Variants in PUDP observed in about 807,000 individuals in gnomAD.
The protein encoded by PUDP is pseudouridine-5'-phosphatase.
Under a neutral mutation model 9.4 loss-of-function variants are expected in PUDP, and 8 were observed. The observed-to-expected ratio is 0.85, with a 90% CI of 0.50 to 1.53. The LOEUF is 1.53. Among genes scored for constraint, PUDP ranks in the 40% most tolerant of loss-of-function variants. PUDP has a pLI of 0.00. For missense variants in PUDP, 188 were observed against 189.7 expected, an observed-to-expected ratio of 0.99 and a Z score of 0.05; for synonymous variants, 99 against 80.7, an observed-to-expected ratio of 1.23 and a Z score of -1.22.
chrX:7,144,013 G>A (rs1932823332), intron 1 of PUDP, among the ~76,000 whole-genome samples: 1 of 112,117 alleles, frequency 8.9e-6, no homozygotes, highest in African/African-American at 3.2e-5. Context: ...TTGACATCCA[G>A]AGCAAGACCC....
chrX:6,820,093 A>C (rs2146706698), intron 3 of PUDP, among the ~76,000 whole-genome samples: 1 of 109,432 alleles, frequency 9.1e-6, no homozygotes, highest in South Asian at 4.1e-4. Flanking sequence ...GGCAGGAGGC[A>C]AAAGGCACTT....
chrX:6,887,351 C>T (rs910011415), intron 3 of PUDP, among the ~76,000 whole-genome samples: 19 of 109,380 alleles, frequency 1.7e-4, no homozygotes, highest in African/African-American at 5.6e-4. Context: ...AAAGAAACCT[C>T]CTTGAATTTT....
chrX:6,782,662 G>A (rs1896114304), intron 3 of PUDP, among the ~76,000 whole-genome samples: 1 of 111,996 alleles, frequency 8.9e-6, no homozygotes, highest in South Asian at 3.8e-4. Context: ...CCATACGATT[G>A]GTCTCCCCTG....
intron 3 of PUDP, among the ~76,000 whole-genome samples, chrX:6,932,663 G>A (rs1253272055): frequency 1.8e-5 from 2 of 111,991 alleles, no homozygotes; most frequent in African/African-American, 6.5e-5. Context: ...GAAGCAGGGC[G>A]AGGCATTGCC....
At chrX:6,994,789 G>A (rs1009159261) in intron 1 of PUDP, among the ~76,000 whole-genome samples, 1 of 111,198 alleles carries the variant, frequency 9.0e-6, no homozygotes, top group Admixed American at 9.6e-5. Flanking sequence ...TCACCCTATC[G>A]AAAAAACATA....
intron 1 of PUDP, among the ~76,000 whole-genome samples, chrX:7,026,897 C>T (rs1479993925): frequency 1.8e-5 from 2 of 111,526 alleles, no homozygotes; most frequent in Non-Finnish European, 3.8e-5. Flanking sequence ...AGGAAACCTG[C>T]GATTCTCTCT....
At chrX:7,042,694 G>A (rs1303859395) in intron 1 of PUDP, among the ~76,000 whole-genome samples, 1 of 111,018 alleles carries the variant, frequency 9.0e-6, no homozygotes, top group Non-Finnish European at 1.9e-5. Context: ...GAATTGCTGG[G>A]TTGTATGATG....
At chrX:7,069,261 C>A (rs1037368566) in intron 3 of PUDP, among the ~76,000 whole-genome samples, 1 of 111,004 alleles carries the variant, frequency 9.0e-6, no homozygotes, top group African/African-American at 3.3e-5. Context: ...CCCCCCGAGG[C>A]GAGGTGAGGA....
At chrX:6,895,654 T>C (rs1377266403) in intron 3 of PUDP, among the ~76,000 whole-genome samples, 1 of 111,396 alleles carries the variant, frequency 9.0e-6, no homozygotes, top group Admixed American at 9.7e-5. Flanking sequence ...TGTGAAGGGA[T>C]AAATCTAAGC....
chrX:6,872,461 G>C (rs1039425062), intron 3 of PUDP, among the ~76,000 whole-genome samples: 11 of 110,760 alleles, frequency 9.9e-5, no homozygotes, highest in African/African-American at 3.6e-4. Context: ...CACTTTGGGA[G>C]GCTGAGGAGG....
At chrX:7,144,924 A>G (rs1932832860) in intron 1 of PUDP, among the ~76,000 whole-genome samples, 1 of 111,121 alleles carries the variant, frequency 9.0e-6, no homozygotes, top group African/African-American at 3.3e-5. Flanking sequence ...CATACACCAA[A>G]ACTCCTAATT....
intron 3 of PUDP, among the ~76,000 whole-genome samples, chrX:6,745,321 G>T (rs1924987360): frequency 8.9e-6 from 1 of 112,296 alleles, no homozygotes; most frequent in African/African-American, 3.2e-5. Flanking sequence ...TCTTCTATCT[G>T]CAGAATTCAT....
At chrX:7,040,862 C>T (rs1187461105) in intron 1 of PUDP, among the ~76,000 whole-genome samples, 1 of 110,558 alleles carries the variant, frequency 9.0e-6, no homozygotes, top group Non-Finnish European at 1.9e-5. Context: ...TCTTGACACC[C>T]CTGTTCTTAG....
chrX:6,945,916 C>T (rs1462896741), intron 3 of PUDP, among the ~76,000 whole-genome samples: 2 of 111,201 alleles, frequency 1.8e-5, no homozygotes, highest in East Asian at 5.6e-4. Flanking sequence ...AAGGCCACGA[C>T]GAGACGGGGT....
chrX:7,062,568 T>A (rs1205696722), intron 3 of PUDP, among the ~76,000 whole-genome samples: 1 of 109,917 alleles, frequency 9.1e-6, no homozygotes, highest in African/African-American at 3.3e-5. Context: ...CAGGATGAGA[T>A]GGACATGCAG....
At chrX:6,770,167 T>C (rs1040204373) in intron 3 of PUDP, among the ~76,000 whole-genome samples, 2 of 112,979 alleles carry the variant, frequency 1.8e-5, no homozygotes, top group Admixed American at 9.3e-5. Flanking sequence ...CTTCCCATCA[T>C]ACAATCTTCT....
At chrX:6,948,250 C>T (rs1337778450) in intron 3 of PUDP, among the ~76,000 whole-genome samples, 1 of 111,662 alleles carries the variant, frequency 9.0e-6, no homozygotes, top group Non-Finnish European at 1.9e-5. Context: ...GAAAGGAGTG[C>T]CTTTCTCAAT....
upstream of PUDP, among the ~76,000 whole-genome samples, chrX:6,725,003 G>A (rs140497238): frequency 2.3e-3 from 256 of 111,709 alleles, 1 homozygote; most frequent in African/African-American, 7.7e-3. Flanking sequence ...ACTGCTAACC[G>A]TCCTTTCCCC....
intron 1 of PUDP, among the ~76,000 whole-genome samples, chrX:7,115,494 C>T (rs78903821): frequency 1.8e-5 from 2 of 112,182 alleles, no homozygotes; most frequent in Non-Finnish European, 3.8e-5. Flanking sequence ...AACCAACTTT[C>T]GGTCAGTAAG....
Sources: gnomAD v4.1 joint callset for allele counts (sites outside exome capture counted in the v4.1 genomes callset) on GRCh38, gnomAD v4.1.1 for gene constraint, MANE v1.5 for transcripts, NCBI Gene and HGNC (gene_info 2026-07-23, HGNC 2026-07-21) for gene names.